SLC7A7: variants seen among roughly 807,000 people sequenced by gnomAD.
SLC7A7 encodes solute carrier family 7 member 7, also known as Y+L amino acid transporter 1.
A neutral mutation model predicts 47.9 loss-of-function variants in SLC7A7; 39 were observed. The observed-to-expected ratio is 0.81, with a 90% CI of 0.63 to 1.06. The LOEUF (loss-of-function observed/expected upper bound fraction) is 1.06, where lower values mean the gene tolerates loss of function less well. Among genes scored for constraint, SLC7A7 ranks in the 50% least tolerant of loss-of-function variants. SLC7A7 has a pLI of 0.00. For missense variants in SLC7A7, 588 were observed against 632.0 expected (o/e 0.93, Z 0.75); for synonymous variants, 234 against 242.8 (o/e 0.96, Z 0.34).
intron 2 of SLC7A7, among the ~76,000 whole-genome samples, chr14:22,784,950 G>A (rs924596945): frequency 1.2e-4 from 18 of 152,266 alleles, no homozygotes; most frequent in African/African-American, 3.6e-4. Flanking sequence ...GATTACAGGC[G>A]TGAACCACCA....
intron 2 of SLC7A7, among the ~76,000 whole-genome samples, chr14:22,799,448 CTTTTTTTT>C (rs56375225): frequency 5.3e-5 from 4 of 76,184 alleles, no homozygotes; most frequent in African/African-American, 1.0e-4. Flanking sequence ...TTTTTTCTTT[CTTTTTTTT>C]TTTTTTTTTT....
At chr14:22,816,806 C>T (rs896239494), upstream of SLC7A7, among the ~76,000 whole-genome samples, 72 of 152,042 alleles carry the variant, frequency 4.7e-4, no homozygotes, top group African/African-American at 1.7e-3. Flanking sequence ...TACCATACAT[C>T]CTCCCATTCT....
intron 2 of SLC7A7, among the ~76,000 whole-genome samples, chr14:22,787,368 G>A (rs1022660896): frequency 2.6e-5 from 4 of 151,682 alleles, no homozygotes; most frequent in South Asian, 2.1e-4. Context: ...CCCAGGAGGC[G>A]GAGGTTGCAG....
intron 2 of SLC7A7, among the ~76,000 whole-genome samples, chr14:22,798,448 T>A (rs912391930): frequency 6.6e-6 from 1 of 152,170 alleles, no homozygotes; most frequent in South Asian, 2.1e-4. Context: ...TCCAAAGGGA[T>A]AAGGGTATCC....
Position 22,773,974 on chromosome 14 carries a change from A to G in SLC7A7, c.1388T>C (p.Val463Ala), listed in dbSNP as rs755396584. 1 of 1,613,940 alleles carries G rather than the reference A, an allele frequency of 6.2e-7. No individual in the cohort carries two copies. Among genetic ancestry groups the G allele is most frequent in the Admixed American group, 1.7e-5 (1 of 60,004 alleles). ...GLPFYFLIIR[V>A]PEHKRPLYLR... ...GTAAAGCGGTCGCTTATGTTCTGGC[A>G]CTCTGATGATGAGGAAGTAAAAGGG... Residue 463 changes from valine (V) to alanine (A), a missense_variant, in exon 9 of 10, where the codon GTG becomes GCG. Val to Ala is a moderately conservative substitution (Grantham distance 64). Transcript: ENST00000674313.
intron 1 of SLC7A7, chr14:22,814,954 C>A: frequency 5.0e-6 from 1 of 201,234 alleles, no homozygotes; most frequent in Non-Finnish European, 1.0e-5. Context: ...AAGCCTCCTG[C>A]TATCGATCCC....
intron 2 of SLC7A7, among the ~76,000 whole-genome samples, chr14:22,812,035 AT>A (rs1354683347): frequency 2.0e-5 from 3 of 152,152 alleles, no homozygotes; most frequent in Non-Finnish European, 4.4e-5. Context: ...AATATGAAGC[AT>A]TTTTTAAAAA....
chr14:22,774,235 A>C, intron 8 of SLC7A7, 119 bp from the exon 9 acceptor site: 1 of 1,590,238 alleles, frequency 6.3e-7, no homozygotes. Context: ...TAATTTCAAC[A>C]CATTACTAAC....
At chr14:22,804,968 T>C (rs1281634374) in intron 2 of SLC7A7, among the ~76,000 whole-genome samples, 1 of 152,006 alleles carries the variant, frequency 6.6e-6, no homozygotes, top group Non-Finnish European at 1.5e-5. Context: ...GATTGTGCCA[T>C]TGCACTCCAG....
At chr14:22,782,696 A>G (rs1398456976) in intron 2 of SLC7A7, among the ~76,000 whole-genome samples, 1 of 151,766 alleles carries the variant, frequency 6.6e-6, no homozygotes, top group African/African-American at 2.4e-5. Context: ...TCCTGAGCTC[A>G]GGTGATCCGC....
intron 5 of SLC7A7, 34 bp downstream of exon 5, chr14:22,776,161 C>T (rs770793157): frequency 1.2e-6 from 2 of 1,614,136 alleles, no homozygotes; most frequent in South Asian, 2.2e-5. Flanking sequence ...CCCCACAAGA[C>T]ACCCTCAACC....
At chr14:22,788,505 T>C (rs7158333) in intron 2 of SLC7A7, among the ~76,000 whole-genome samples, 133,492 of 151,876 alleles carry the variant, frequency 0.88, 58,977 homozygotes, top group Middle Eastern at 0.91. Context: ...GAGTTTGAGA[T>C]CAGCCTGGCC....
chr14:22,776,045 A>G (rs949967977), intron 5 of SLC7A7, 109 bp from the exon 6 acceptor site: 12 of 1,412,694 alleles, frequency 8.5e-6, no homozygotes, highest in Non-Finnish European at 1.1e-5. Flanking sequence ...TTTCTTCCAC[A>G]GTGGGGTTAA....
chr14:22,782,468 T>A (rs1001648348), intron 2 of SLC7A7, among the ~76,000 whole-genome samples: 33 of 148,954 alleles, frequency 2.2e-4, no homozygotes, highest in East Asian at 4.3e-4. Context: ...TTATTTATTT[T>A]ATTTATTTTT....
chr14:22,777,059 C>G (rs1268208541), intron 4 of SLC7A7, among the ~76,000 whole-genome samples: 1 of 147,558 alleles, frequency 6.8e-6, no homozygotes, highest in Non-Finnish European at 1.5e-5. Context: ...GGGAGGATCA[C>G]TTGAGCCTGG....
intron 9 of SLC7A7, 49 bp from the exon 10 acceptor site, chr14:22,773,765 A>C: frequency 6.3e-7 from 1 of 1,591,024 alleles, no homozygotes; most frequent in Non-Finnish European, 8.6e-7. Flanking sequence ...AGCTGGGCTG[A>C]GTTCAAGTGT....
intron 2 of SLC7A7, among the ~76,000 whole-genome samples, chr14:22,792,425 T>C (rs1320914441): frequency 2.0e-5 from 3 of 152,028 alleles, no homozygotes; most frequent in Non-Finnish European, 4.4e-5. Flanking sequence ...TAGCTGGACT[T>C]GGTGGTGCAC....
intron 2 of SLC7A7, among the ~76,000 whole-genome samples, chr14:22,783,799 C>T (rs563252036): frequency 6.6e-6 from 1 of 152,262 alleles, no homozygotes; most frequent in Non-Finnish European, 1.5e-5. Flanking sequence ...TTTCTCTGAC[C>T]CACCTTCTAG....
intron 2 of SLC7A7, among the ~76,000 whole-genome samples, chr14:22,785,658 G>C (rs2038799633): frequency 6.6e-6 from 1 of 151,132 alleles, no homozygotes; most frequent in African/African-American, 2.4e-5. Context: ...AACTCGGGAG[G>C]TGGAGGTTGC....
Sources: allele counts gnomAD v4.1 joint callset (sites outside exome capture counted in the v4.1 genomes callset), GRCh38; gene constraint gnomAD v4.1.1; transcripts MANE v1.5; gene names NCBI Gene and HGNC (gene_info 2026-07-23, HGNC 2026-07-21).